ENAM: variants seen among roughly 807,000 people sequenced by gnomAD.
The protein encoded by ENAM is enamelin, also known as amelogenesis imperfecta 2, hypocalcification (autosomal dominant).
A neutral mutation model predicts 33.6 loss-of-function variants in ENAM; 21 were observed. The ratio of observed to expected loss-of-function variants is 0.63; its 90% CI spans 0.44 to 0.90. The LOEUF (loss-of-function observed/expected upper bound fraction) is 0.90, where lower values mean the gene tolerates loss of function less well. ENAM is among the 40% of genes least tolerant of loss of function. The probability of loss-of-function intolerance (pLI) is 0.00; values close to 1 mark genes in which losing one functional copy is unlikely to be tolerated. For synonymous variants in ENAM, 473 were observed against 468.4 expected (o/e 1.01, Z -0.13); for missense variants, 1,388 against 1,366.9 (o/e 1.02, Z -0.24).
chr4:70,635,894 G>T lies in ENAM; in HGVS notation c.534G>T (p.Gln178His). 6.3e-7 allele frequency: 1 copy of T among 1,590,924 alleles called. No individual in the cohort carries two copies. Reference protein sequence around the residue: ...PYQQPPWQIPQRLPPPGYGRP... With the variant: ...PYQQPPWQIPHRLPPPGYGRP... ...AACAACCACCATGGCAAATTCCACA[G>T]GTGAGAAATTTTTTTTTCTTTACAC... Residue 178 changes from glutamine (Q) to histidine (H), a missense_variant and splice_region_variant, in exon 7 of 9, where the codon CAG (glutamine) becomes CAT (histidine). Gln to His is a conservative substitution (Grantham distance 24). Coordinates refer to ENST00000396073, the MANE Select transcript of ENAM (RefSeq NM_031889.3).
chr4:70,641,895 G>A (rs1738606492), intron 8 of ENAM, 120 bp from the exon 9 acceptor site: 1 of 780,308 alleles, frequency 1.3e-6, no homozygotes, highest in Non-Finnish European at 2.3e-6. Context: ...AGAAAGTAAA[G>A]CTAATGATGT....
Position 70,644,151 on chromosome 4 carries a change from C to T in ENAM, c.2725C>T (p.Leu909=). ...TGGGGAGAACCAAGACACCAGTCCTCTGTATACAGACGGTAGTCATACCAA... is the reference window on the plus strand; with the variant it reads ...TGGGGAGAACCAAGACACCAGTCCTTTGTATACAGACGGTAGTCATACCAA... The part of the protein sequence containing the change: ...APGENQDTSP[L]YTDGSHTKQT... Residue 909 remains leucine, a synonymous_variant, in exon 9 of 9, where the codon CTG becomes TTG. Transcript: ENST00000396073. 1 of 1,614,130 alleles carries T rather than the reference C, an allele frequency of 6.2e-7. No homozygotes were observed. The highest frequency in any genetic ancestry group is 8.5e-7 in the Non-Finnish European group (1 of 1,180,002).
At chr4:70,632,747 G>T (rs374014042) in intron 5 of ENAM, 55 bp downstream of exon 5, 10 of 1,225,072 alleles carry the variant, frequency 8.2e-6, no homozygotes, top group Non-Finnish European at 1.2e-5. Flanking sequence ...AGATAACTCC[G>T]TTATAAAGTT....
intron 8 of ENAM, among the ~76,000 whole-genome samples, chr4:70,638,958 C>T (rs536980199): frequency 6.6e-6 from 1 of 151,666 alleles, no homozygotes; most frequent in Non-Finnish European, 1.5e-5. Flanking sequence ...CCATCACACC[C>T]GTCTAATCTT....
chr4:70,629,436 T>C lies in ENAM; in HGVS notation c.-60-5T>C. On this transcript the variant is annotated splice_polypyrimidine_tract_variant and splice_region_variant and intron_variant, in intron 1 of 8. Transcript: ENST00000396073. ...TCATTTATTTGTTCCATTTCTATAT[T>C]TTAGTTTCTTCTCAGGTTAAAGCTG... is the stretch of plus-strand genomic sequence containing the variant. 2 of 1,094,926 alleles carry C rather than the reference T, an allele frequency of 1.8e-6. No homozygotes were observed. The highest frequency in any genetic ancestry group is 2.8e-6 in the Non-Finnish European group (2 of 706,310). The allele number at this position is 1,094,926 out of a possible 1,614,324, so 67.8% of individuals were successfully genotyped here. A position where few individuals can be genotyped will look rare whatever the true frequency, so the allele number is the denominator to read the frequency against.
At position 70,642,422 on chromosome 4, in the gene ENAM, A is replaced by T. The variant is rs1738622840; in HGVS notation, c.996A>T (p.Arg332Ser). 1.9e-6 allele frequency: 3 copies of T among 1,614,176 alleles called. No individual in the cohort carries two copies. Among genetic ancestry groups the T allele is most frequent in the Non-Finnish European group, 2.5e-6 (3 of 1,180,026 alleles). ...YPNIRNFPSG[R>S]QWYFTGTVMG... is the part of the protein sequence containing the mutation. ...ATATAAGAAATTTTCCTTCAGGAAG[A>T]CAGTGGTATTTCACTGGTACTGTCA... Residue 332 changes from arginine to serine, a missense_variant, in exon 9 of 9, where the codon AGA (arginine) becomes AGT (serine). Physicochemically the swap from Arg to Ser is moderately radical, Grantham distance 110. Transcript: ENST00000396073.
In ENAM at chr4:70,643,327, A is replaced by T. The variant is rs745579487; in HGVS notation, c.1901A>T (p.Glu634Val). The change falls in exon 9 of 9, where the codon GAA becomes GTA. Residue 634 changes from glutamate (E) to valine (V), a missense_variant. Glu to Val is a moderately radical substitution (Grantham distance 121, BLOSUM62 -2). Coordinates refer to ENST00000396073, the MANE Select transcript of ENAM (RefSeq NM_031889.3). ...DDSPNTMGQK[E>V]SPLYPINTPD... ...TCTCCCAATACTATGGGGCAAAAAG[A>T]AAGTCCACTCTACCCCATAAATACC... 7 of 1,613,832 alleles carry T rather than the reference A, an allele frequency of 4.3e-6. No individual in the cohort carries two copies. In the African/African-American group the frequency reaches 9.3e-5, roughly 22 times the overall value.
In ENAM at chr4:70,644,429, T is replaced by G. The variant is rs377394569; in HGVS notation, c.3003T>G (p.Val1001=). 12 of 1,614,002 alleles carry G rather than the reference T, an allele frequency of 7.4e-6. No individual in the cohort carries two copies. Among genetic ancestry groups the G allele is most frequent in the Non-Finnish European group, 8.5e-6 (10 of 1,180,028 alleles). Residue 1001 remains valine (V), a synonymous_variant, in exon 9 of 9, where the codon GTT becomes GTG. Transcript: ENST00000396073. ...GGDGNNILEQ[V]FEDNQLNERT... ...ATGGGAACAACATTCTGGAACAAGT[T>G]TTTGAAGACAACCAGCTCAATGAAA... is the stretch of plus-strand genomic sequence containing the variant.
At chr4:70,635,702 T>TA (rs1738433871) in intron 6 of ENAM, 130 bp from the exon 7 acceptor site, 1 of 694,878 alleles carries the variant, frequency 1.4e-6, no homozygotes, top group Admixed American at 2.2e-5. Context: ...CTTTGCCCTA[T>TA]AAAAAACACA....
In ENAM at chr4:70,643,934, T is replaced by C. The variant is rs765410893; in HGVS notation, c.2508T>C (p.Thr836=). Residue 836 remains threonine (T), a synonymous_variant, in exon 9 of 9, where the codon ACT becomes ACC. Coordinates refer to ENST00000396073, the MANE Select transcript of ENAM (RefSeq NM_031889.3). The part of the protein sequence containing the change: ...GENLNYGMQI[T]RMNSPEREHS... The stretch of plus-strand genomic sequence containing the variant: ...ATTTGAACTATGGCATGCAAATAAC[T>C]AGGATGAATTCTCCAGAGAGAGAAC... 1 of 1,613,996 alleles carries C rather than the reference T, an allele frequency of 6.2e-7. No individual in the cohort carries two copies. The highest frequency in any genetic ancestry group is 8.5e-7 in the Non-Finnish European group (1 of 1,179,980).
At position 70,642,553 on chromosome 4, in the gene ENAM, A is replaced by T; in HGVS notation, c.1127A>T (p.Asn376Ile). ...WERKQVARPGNPVYHKAYPPT... is the reference protein window; with the variant it reads ...WERKQVARPGIPVYHKAYPPT... ...CGTAAACAAGTAGCTCGTCCAGGAAATCCAGTTTATCACAAAGCTTACCCT... is the reference window on the plus strand; with the variant it reads ...CGTAAACAAGTAGCTCGTCCAGGAATTCCAGTTTATCACAAAGCTTACCCT... The change falls in exon 9 of 9, where the codon AAT becomes ATT. Residue 376 changes from asparagine to isoleucine, a missense_variant. By Grantham distance (149) the Asn-to-Ile change is moderately radical. Transcript: ENST00000396073. The T allele has an allele frequency of 6.2e-7, 1 of 1,614,114 alleles. No homozygotes were observed. The highest frequency in any genetic ancestry group is 8.5e-7 in the Non-Finnish European group (1 of 1,180,004).
rs1219188602 is a variant in ENAM at position 70,643,072 on chromosome 4, C to T, written c.1646C>T (p.Pro549Leu). The T allele has an allele frequency of 6.2e-6, 10 of 1,613,956 alleles. No individual in the cohort carries two copies. The highest frequency in any genetic ancestry group is 1.7e-5 in the Admixed American group (1 of 60,012). The change falls in exon 9 of 9, where the codon CCT becomes CTT. Residue 549 changes from proline (P) to leucine (L), a missense_variant. By Grantham distance (98) the Pro-to-Leu change is moderately conservative. Coordinates refer to ENST00000396073, the MANE Select transcript of ENAM (RefSeq NM_031889.3). The stretch of plus-strand genomic sequence containing the variant: ...AGCTCATATCAGCCTGCTGTATACC[C>T]TGAGGAAATCCCTTCTCCTGCAAAA... Reference protein sequence around the residue: ...KHSSYQPAVYPEEIPSPAKEH... With the variant: ...KHSSYQPAVYLEEIPSPAKEH...
At chr4:70,635,699 C>T (rs1157425563) in intron 6 of ENAM, 133 bp from the exon 7 acceptor site, 11 of 686,038 alleles carry the variant, frequency 1.6e-5, no homozygotes, top group Non-Finnish European at 2.7e-5. Context: ...CGTCTTTGCC[C>T]TATAAAAAAC....
rs925581731 is a variant in ENAM, at chr4:70,646,810, GTTA to G, written c.*1958_*1960del. ...AGAATTATCCTTTCAAAATAAAAAT[GTTA>G]TTGTTTCACTAGTTTATTTTTCCAA... On this transcript the variant is annotated 3_prime_UTR_variant, in exon 9 of 9. Coordinates refer to ENST00000396073, the MANE Select transcript of ENAM (RefSeq NM_031889.3). The G allele has an allele frequency of 1.3e-5, 2 of 152,044 alleles. No homozygotes were observed. The highest frequency in any genetic ancestry group is 1.3e-4 in the Admixed American group (2 of 15,260). 9.4% of individuals were successfully genotyped at this position (152,044 alleles called of 1,614,324 possible).
chr4:70,629,695 A>G (rs1345382560), intron 2 of ENAM, 141 bp downstream of exon 2: 9 of 768,956 alleles, frequency 1.2e-5, no homozygotes, highest in Non-Finnish European at 2.1e-5. Flanking sequence ...GGAATGGAAG[A>G]AGAACTTACA....
rs776430419 is a variant in ENAM at position 70,644,742 on chromosome 4, A to C, written c.3316A>C (p.Lys1106Gln). The C allele has an allele frequency of 6.2e-6, 10 of 1,613,930 alleles. No individual in the cohort carries two copies. The African/African-American group carries it at 1.1e-4, about 17-fold the overall frequency. Residue 1106 changes from lysine (K) to glutamine (Q), a missense_variant, in exon 9 of 9, where the codon AAG (lysine) becomes CAG (glutamine). Transcript: ENST00000396073. ...TGAGTTAGCTACTGAGGAACAATTT[A>C]AGAGTATAAATGTAGACCCACTTGA... ...LVELATEEQF[K>Q]SINVDPLDAD...
chr4:70,637,195 G>A (rs1472337446), intron 7 of ENAM, among the ~76,000 whole-genome samples: 1 of 152,172 alleles, frequency 6.6e-6, no homozygotes, highest in Non-Finnish European at 1.5e-5. Flanking sequence ...TCATGCTGAA[G>A]TAACTATTAA....
At chr4:70,635,099 G>A (rs530436240) in intron 6 of ENAM, among the ~76,000 whole-genome samples, 19 of 152,254 alleles carry the variant, frequency 1.2e-4, no homozygotes, top group East Asian at 3.9e-4. Context: ...CTTTTAGGCC[G>A]GGCGTGGTGG....
chr4:70,634,235 C>A, intron 5 of ENAM, 73 bp from the exon 6 acceptor site: 1 of 1,470,274 alleles, frequency 6.8e-7, no homozygotes, highest in Non-Finnish European at 9.5e-7. Context: ...GTTTTAGAGG[C>A]TGACATTAGA....
Sources: gnomAD v4.1 joint callset for allele counts (sites outside exome capture counted in the v4.1 genomes callset) on GRCh38, gnomAD v4.1.1 for gene constraint, MANE v1.5 for transcripts, NCBI Gene and HGNC (gene_info 2026-07-23, HGNC 2026-07-21) for gene names.